The following PTPRT variants were observed in gnomAD, a reference collection of about 807,000 sequenced individuals.
PTPRT encodes the protein receptor-type tyrosine-protein phosphatase T.
PTPRT carries 56 observed loss-of-function variants against 176.8 expected under a neutral mutation model. The observed-to-expected ratio is 0.32, with a 90% CI of 0.26 to 0.40. The LOEUF is 0.40. Ranked by LOEUF, PTPRT falls within the 10% of genes least tolerant of loss-of-function variation. The pLI is 1.00. For synonymous variants in PTPRT, 783 were observed against 739.0 expected, an observed-to-expected ratio of 1.06 and a Z score of -0.96; for missense variants, 1,540 against 1,908.2, an observed-to-expected ratio of 0.81 and a Z score of 3.60.
intron 1 of PTPRT, among the ~76,000 whole-genome samples, chr20:43,107,693 A>C (rs2012676469): frequency 6.6e-6 from 1 of 152,242 alleles, no homozygotes; most frequent in African/African-American, 2.4e-5. Flanking sequence ...ACACTAGGGT[A>C]ATCTAAACAC....
chr20:42,324,099 A>G (rs889110706), intron 11 of PTPRT, among the ~76,000 whole-genome samples: 1 of 152,242 alleles, frequency 6.6e-6, no homozygotes, highest in African/African-American at 2.4e-5. Flanking sequence ...TAATCGCCAA[A>G]ACATAAAAAC....
At chr20:43,175,022 T>A (rs1008046822) in intron 1 of PTPRT, among the ~76,000 whole-genome samples, 1 of 152,244 alleles carries the variant, frequency 6.6e-6, no homozygotes, top group African/African-American at 2.4e-5. Flanking sequence ...GTTCACAGCA[T>A]CTCTAAACAT....
At position 42,520,562 on chromosome 20, in the gene PTPRT, C is replaced by G. The variant is rs757254842; in HGVS notation, c.1154-48000G>C. The stretch of plus-strand genomic sequence containing the variant: ...TCAGTCCTGTCTCCAGCCTACTACT[C>G]TCCAATTTTCCCAGTGCAATTTATT... On this transcript the variant is annotated intron_variant, in intron 7 of 30. Coordinates refer to ENST00000373187, the MANE Select transcript of PTPRT (RefSeq NM_007050.6). Among the ~76,000 whole-genome samples the G allele has an allele frequency of 5.1e-4, 78 of 152,136 alleles. 1 individual carries two copies. The highest frequency in any genetic ancestry group is 5.9e-4 in the Non-Finnish European group (40 of 68,006).
intron 9 of PTPRT, among the ~76,000 whole-genome samples, chr20:42,380,459 C>T (rs193128484): frequency 6.6e-6 from 1 of 152,300 alleles, no homozygotes; most frequent in Admixed American, 6.5e-5. Flanking sequence ...CCTGCCTGGC[C>T]TGGTTGGTTT....
intron 7 of PTPRT, among the ~76,000 whole-genome samples, chr20:42,555,019 C>T (rs571642504): frequency 6.6e-6 from 1 of 152,280 alleles, no homozygotes; most frequent in African/African-American, 2.4e-5. Context: ...GTCCCAATTG[C>T]TTATCCTAGT....
At chr20:42,219,023 G>GAATAAA (rs2055828145) in intron 15 of PTPRT, among the ~76,000 whole-genome samples, 1 of 152,128 alleles carries the variant, frequency 6.6e-6, no homozygotes, top group Admixed American at 6.5e-5. Context: ...GCAGGGAGAA[G>GAATAAA]AATAAACAGA....
chr20:42,511,441 T>A (rs1256336546), intron 7 of PTPRT, among the ~76,000 whole-genome samples: 1 of 151,874 alleles, frequency 6.6e-6, no homozygotes, highest in African/African-American at 2.4e-5. Flanking sequence ...GACAGGACTT[T>A]TGTCTTATTT....
At chr20:42,738,097 T>C (rs2076563949) in intron 6 of PTPRT, among the ~76,000 whole-genome samples, 1 of 152,112 alleles carries the variant, frequency 6.6e-6, no homozygotes, top group Admixed American at 6.5e-5. Flanking sequence ...CCCGGGTCCA[T>C]GTGGCAAGTG....
intron 11 of PTPRT, among the ~76,000 whole-genome samples, chr20:42,327,391 A>T (rs1259177867): frequency 6.6e-6 from 1 of 152,074 alleles, no homozygotes; most frequent in Non-Finnish European, 1.5e-5. Flanking sequence ...TTTAAAGGAC[A>T]ATTAATTGGG....
intron 12 of PTPRT, among the ~76,000 whole-genome samples, chr20:42,310,017 C>A (rs1174594524): frequency 6.6e-6 from 1 of 152,094 alleles, no homozygotes; most frequent in Non-Finnish European, 1.5e-5. Context: ...GAGATTGAAA[C>A]TCAGGCCTGA....
intron 6 of PTPRT, among the ~76,000 whole-genome samples, chr20:42,745,137 A>C (rs1205199285): frequency 1.3e-5 from 2 of 152,240 alleles, no homozygotes; most frequent in African/African-American, 2.4e-5. Context: ...CACTAGTCAG[A>C]GTAAACCAGA....
chr20:42,668,450 A>G (rs1412863155), intron 7 of PTPRT, among the ~76,000 whole-genome samples: 2 of 152,192 alleles, frequency 1.3e-5, no homozygotes, highest in African/African-American at 4.8e-5. Flanking sequence ...CTTCCCTCCC[A>G]GCACTACAGT....
chr20:42,327,577 G>C (rs2057904152), intron 11 of PTPRT, among the ~76,000 whole-genome samples: 1 of 151,930 alleles, frequency 6.6e-6, no homozygotes, highest in Non-Finnish European at 1.5e-5. Context: ...TCAAATGGTT[G>C]AATAACCATT....
chr20:42,961,685 G>C (rs75516422), intron 1 of PTPRT, among the ~76,000 whole-genome samples: 5,537 of 152,176 alleles, frequency 0.036, 263 homozygotes, highest in African/African-American at 0.11. Flanking sequence ...GGGGTACTGT[G>C]GTCAGTTGAA....
chr20:42,921,663 T>C (rs1304218004), intron 1 of PTPRT, among the ~76,000 whole-genome samples: 1 of 152,234 alleles, frequency 6.6e-6, no homozygotes, highest in Non-Finnish European at 1.5e-5. Context: ...ATCTCTTTGC[T>C]GTGCCTCAGA....
Position 43,132,597 on chromosome 20 carries a change from A to C in PTPRT, c.88+57049T>G, listed in dbSNP as rs540392627. On this transcript the variant is annotated intron_variant, in intron 1 of 30. Coordinates refer to ENST00000373187, the MANE Select transcript of PTPRT (RefSeq NM_007050.6). ...CCAAAGTTCATCTGGAAGAATAAACACAGCATGAAGAATCAGAAAAATCTA... is the reference window on the plus strand; with the variant it reads ...CCAAAGTTCATCTGGAAGAATAAACCCAGCATGAAGAATCAGAAAAATCTA... 1.6e-4 allele frequency among the ~76,000 whole-genome samples: 25 copies of C among 152,342 alleles called. No homozygotes were observed. The South Asian group carries it at 2.5e-3, about 15-fold the overall frequency.
At chr20:42,710,639 G>A (rs944348540) in intron 6 of PTPRT, among the ~76,000 whole-genome samples, 5 of 152,252 alleles carry the variant, frequency 3.3e-5, no homozygotes, top group African/African-American at 9.6e-5. Context: ...GCCCTGCAAA[G>A]AGACTCTACT....
intron 16 of PTPRT, among the ~76,000 whole-genome samples, chr20:42,170,868 G>C (rs953963935): frequency 6.6e-6 from 1 of 152,168 alleles, no homozygotes; most frequent in South Asian, 2.1e-4. Context: ...AAATCTTCAC[G>C]TGTAAAGAGT....
chr20:42,457,676 AC>A (rs958700948), intron 8 of PTPRT, among the ~76,000 whole-genome samples: 2 of 152,140 alleles, frequency 1.3e-5, no homozygotes, highest in African/African-American at 2.4e-5. Context: ...GTTCTGTCTG[AC>A]CTGTGGGGCA....
Sources: gnomAD v4.1 joint callset for allele counts (sites outside exome capture counted in the v4.1 genomes callset) on GRCh38, gnomAD v4.1.1 for gene constraint, MANE v1.5 for transcripts, NCBI Gene and HGNC (gene_info 2026-07-23, HGNC 2026-07-21) for gene names.